Variants in EVI5 observed in about 807,000 individuals in gnomAD.
EVI5 encodes the protein ecotropic viral integration site 5 protein homolog.
In EVI5, 73 loss-of-function variants were observed where a neutral mutation model predicts 112.0. The ratio of observed to expected loss-of-function variants is 0.65; its 90% CI spans 0.54 to 0.79. The LOEUF is 0.79. Ranked by LOEUF, EVI5 falls within the 30% of genes least tolerant of loss-of-function variation. The pLI is 0.00. For missense variants in EVI5, 900 were observed against 968.8 expected (o/e 0.93, Z 0.94); for synonymous variants, 305 against 319.9 (o/e 0.95, Z 0.50).
intron 9 of EVI5, among the ~76,000 whole-genome samples, chr1:92,690,966 C>T (rs1336662703): frequency 2.0e-5 from 3 of 152,008 alleles, no homozygotes; most frequent in Non-Finnish European, 4.4e-5. Flanking sequence ...ATAGAAAACA[C>T]AAGAGATACA....
intron 18 of EVI5, among the ~76,000 whole-genome samples, chr1:92,586,052 A>G (rs1283719513): frequency 6.6e-6 from 1 of 152,148 alleles, no homozygotes; most frequent in Non-Finnish European, 1.5e-5. Flanking sequence ...TCTCATGGTA[A>G]GACTAGGGTT....
intron 1 of EVI5, among the ~76,000 whole-genome samples, chr1:92,739,704 T>C (rs1425412449): frequency 6.6e-6 from 1 of 152,136 alleles, no homozygotes; most frequent in Non-Finnish European, 1.5e-5. Context: ...TATATTTTAT[T>C]AAAAGGATGC....
intron 18 of EVI5, among the ~76,000 whole-genome samples, chr1:92,602,077 C>T (rs1649299188): frequency 6.6e-6 from 1 of 151,984 alleles, no homozygotes; most frequent in African/African-American, 2.4e-5. Flanking sequence ...ATAAAGGATA[C>T]CTTTTTATAA....
chr1:92,566,628 A>C (rs1669528259), intron 18 of EVI5, among the ~76,000 whole-genome samples: 1 of 152,086 alleles, frequency 6.6e-6, no homozygotes, highest in Non-Finnish European at 1.5e-5. Context: ...TGTAAGCTTC[A>C]GCCTGGTCCT....
At chr1:92,698,033 A>C in intron 5 of EVI5, 48 bp from the exon 6 acceptor site, 1 of 1,546,904 alleles carries the variant, frequency 6.5e-7, no homozygotes, top group Non-Finnish European at 8.8e-7. Flanking sequence ...TCTCTGATAC[A>C]CAAATAAACC....
intron 1 of EVI5, among the ~76,000 whole-genome samples, chr1:92,747,592 T>C (rs946413672): frequency 5.3e-5 from 8 of 151,864 alleles, no homozygotes; most frequent in African/African-American, 1.9e-4. Context: ...TGGGTGCCTG[T>C]AGTCCCAGCT....
intron 19 of EVI5, among the ~76,000 whole-genome samples, chr1:92,556,212 C>T (rs2100814345): frequency 6.6e-6 from 1 of 152,036 alleles, no homozygotes; most frequent in Admixed American, 6.5e-5. Context: ...TACAGGTGCA[C>T]ACCACCATGC....
chr1:92,637,339 C>G (rs1659085423), intron 13 of EVI5, among the ~76,000 whole-genome samples: 1 of 150,064 alleles, frequency 6.7e-6, no homozygotes, highest in African/African-American at 2.5e-5. Context: ...GATCATGCCA[C>G]TGTACTCCAG....
rs190764826 is a variant in EVI5 at position 92,618,545 on chromosome 1, T to C, written c.1827+5631A>G. Among the ~76,000 whole-genome samples, 12 of 152,294 alleles carry C rather than the reference T, an allele frequency of 7.9e-5. No homozygotes were observed. In the East Asian group the frequency reaches 2.3e-3, roughly 29 times the overall value. On this transcript the variant is annotated intron_variant, in intron 16 of 19. Transcript: ENST00000684568. ...ATACAGGAGATCCATCAGGGCATCT[T>C]AGTATTACCATGCCCTGTGATTAAG...
intron 16 of EVI5, 137 bp downstream of exon 16, chr1:92,624,039 A>T: frequency 1.5e-6 from 1 of 687,800 alleles, no homozygotes; most frequent in South Asian, 2.2e-5. Context: ...TGCCATCTTC[A>T]TTTGGGCTAG....
Position 92,513,739 on chromosome 1 carries a change from C to G in EVI5, c.2398G>C (p.Val800Leu). ...TGGTTGCTCTCTCTGGTCTCCAGCA[C>G]ACTGTCTTCTGTTTCGCTCTCACTA... is the stretch of plus-strand genomic sequence containing the variant. ...DGSESETEDS[V>L]LETRESNQVV... Residue 800 changes from valine to leucine, a missense_variant, in exon 20 of 20, where the codon GTG (valine) becomes CTG (leucine). Transcript: ENST00000684568. The G allele has an allele frequency of 6.2e-7, 1 of 1,613,828 alleles. No individual in the cohort carries two copies. The highest frequency in any genetic ancestry group is 8.5e-7 in the Non-Finnish European group (1 of 1,179,940).
At chr1:92,611,075 T>C (rs992034708) in intron 16 of EVI5, among the ~76,000 whole-genome samples, 2 of 149,982 alleles carry the variant, frequency 1.3e-5, no homozygotes, top group African/African-American at 4.9e-5. Flanking sequence ...TGTGCACATG[T>C]ACCCTAAAAC....
intron 1 of EVI5, among the ~76,000 whole-genome samples, chr1:92,783,058 T>C (rs1685068645): frequency 6.6e-6 from 1 of 152,082 alleles, no homozygotes; most frequent in Non-Finnish European, 1.5e-5. Flanking sequence ...TGGGCTCAAG[T>C]GATCCACCTG....
intron 18 of EVI5, among the ~76,000 whole-genome samples, chr1:92,576,658 GA>G (rs1292785444): frequency 2.6e-5 from 4 of 152,166 alleles, no homozygotes; most frequent in Admixed American, 6.5e-5. Context: ...TTGAATGGCT[GA>G]TTTTTACATA....
chr1:92,628,998 A>G (rs1656301263), intron 14 of EVI5, among the ~76,000 whole-genome samples: 1 of 152,232 alleles, frequency 6.6e-6, no homozygotes, highest in African/African-American at 2.4e-5. Flanking sequence ...TATAACATGA[A>G]AAACAACACA....
intron 19 of EVI5, among the ~76,000 whole-genome samples, chr1:92,517,803 T>C (rs367908125): frequency 2.0e-5 from 3 of 152,156 alleles, no homozygotes; most frequent in Non-Finnish European, 4.4e-5. Context: ...TTGGTTTTGT[T>C]TGAAATCTCT....
At chr1:92,770,650 C>T (rs1475970535) in intron 1 of EVI5, among the ~76,000 whole-genome samples, 1 of 151,636 alleles carries the variant, frequency 6.6e-6, no homozygotes, top group Non-Finnish European at 1.5e-5. Flanking sequence ...ATTAGCCGGG[C>T]GTGGTGGCAG....
intron 19 of EVI5, among the ~76,000 whole-genome samples, chr1:92,538,748 T>C (rs1362703447): frequency 6.6e-6 from 1 of 152,254 alleles, no homozygotes. Flanking sequence ...AAGATGATGA[T>C]GTTCGAGTTG....
intron 19 of EVI5, among the ~76,000 whole-genome samples, chr1:92,543,721 G>A (rs563670323): frequency 2.0e-4 from 31 of 152,148 alleles, no homozygotes; most frequent in Non-Finnish European, 2.9e-4. Flanking sequence ...TAGCAACATC[G>A]AAGATCAATG....
Sources: gnomAD v4.1 joint callset for allele counts (sites outside exome capture counted in the v4.1 genomes callset) on GRCh38, gnomAD v4.1.1 for gene constraint, MANE v1.5 for transcripts, NCBI Gene and HGNC (gene_info 2026-07-23, HGNC 2026-07-21) for gene names.